The following ALK variants were observed in gnomAD, a reference collection of about 807,000 sequenced individuals.
ALK encodes the protein ALK receptor tyrosine kinase.
In ALK, 74 loss-of-function variants were observed where a neutral mutation model predicts 163.1. The observed-to-expected ratio is 0.45, with a 90% CI of 0.38 to 0.55. ALK has a LOEUF of 0.55. Among genes scored for constraint, ALK ranks in the 20% least tolerant of loss-of-function variants. The probability of loss-of-function intolerance (pLI) is 0.00; values close to 1 mark genes in which losing one functional copy is unlikely to be tolerated. For synonymous variants in ALK, 960 were observed against 843.2 expected (o/e 1.14, Z -2.40); for missense variants, 2,063 against 2,105.3 (o/e 0.98, Z 0.39).
At chr2:29,405,127 G>A (rs1186827654) in intron 4 of ALK, among the ~76,000 whole-genome samples, 3 of 152,164 alleles carry the variant, frequency 2.0e-5, no homozygotes, top group Admixed American at 6.5e-5. Flanking sequence ...TGACTCTGGG[G>A]ACTTTTCCTC....
intron 4 of ALK, among the ~76,000 whole-genome samples, chr2:29,473,699 T>C (rs1177481645): frequency 7.3e-6 from 1 of 136,196 alleles, no homozygotes; most frequent in East Asian, 2.1e-4. Flanking sequence ...CAAAGCCCCA[T>C]CTCTACTGAA....
At chr2:29,771,679 C>A (rs1038534091) in intron 1 of ALK, among the ~76,000 whole-genome samples, 1 of 152,078 alleles carries the variant, frequency 6.6e-6, no homozygotes, top group Non-Finnish European at 1.5e-5. Flanking sequence ...GGACTACAGG[C>A]GCCTGCCACC....
At chr2:29,457,538 G>A (rs1670985673) in intron 4 of ALK, among the ~76,000 whole-genome samples, 2 of 152,200 alleles carry the variant, frequency 1.3e-5, no homozygotes, top group South Asian at 4.2e-4. Context: ...GCCCAGGTGA[G>A]GCCCTGAACC....
intron 9 of ALK, among the ~76,000 whole-genome samples, chr2:29,279,420 G>C (rs35314727): frequency 0.019 from 2,968 of 152,284 alleles, 44 homozygotes; most frequent in Non-Finnish European, 0.031. Flanking sequence ...TGCAGGGAAG[G>C]GACAGTGGGA....
rs1665928257 is a variant in ALK, at chr2:29,288,742, G to A, written c.1817+8146C>T. 2.6e-5 allele frequency among the ~76,000 whole-genome samples: 4 copies of A among 151,938 alleles called. No individual in the cohort carries two copies. In the South Asian group the frequency reaches 6.2e-4, roughly 24 times the overall value. On this transcript the variant is annotated intron_variant, in intron 9 of 28. Coordinates refer to ENST00000389048, the MANE Select transcript of ALK (RefSeq NM_004304.5). ...GAGGCGGGCAGATCACTTGAGCTCA[G>A]GAGTTCAAGACAAGCCTGGCCAACA...
intron 3 of ALK, among the ~76,000 whole-genome samples, chr2:29,694,624 T>G (rs903254942): frequency 6.6e-6 from 1 of 152,240 alleles, no homozygotes; most frequent in East Asian, 1.9e-4. Flanking sequence ...GAAACCCTAC[T>G]TTTATTACTT....
intron 4 of ALK, among the ~76,000 whole-genome samples, chr2:29,385,836 G>A (rs183029437): frequency 4.6e-5 from 7 of 152,316 alleles, no homozygotes; most frequent in Admixed American, 4.6e-4. Context: ...TTAATGACCT[G>A]TGCATTGCTT....
At chr2:29,313,098 G>A (rs1412205823) in intron 8 of ALK, among the ~76,000 whole-genome samples, 1 of 152,182 alleles carries the variant, frequency 6.6e-6, no homozygotes, top group Non-Finnish European at 1.5e-5. Context: ...GCCATGCATG[G>A]GCAGAGAGGC....
At chr2:29,706,375 A>C (rs1678912668) in intron 2 of ALK, among the ~76,000 whole-genome samples, 1 of 152,168 alleles carries the variant, frequency 6.6e-6, no homozygotes, top group Non-Finnish European at 1.5e-5. Flanking sequence ...GCTGCCATCA[A>C]CATCTGGTCA....
chr2:29,354,271 G>C (rs982887562), intron 5 of ALK, among the ~76,000 whole-genome samples: 1 of 152,174 alleles, frequency 6.6e-6, no homozygotes, highest in East Asian at 1.9e-4. Context: ...TGGTCTCTGC[G>C]CTGCGTGACT....
chr2:29,194,004 C>CTAAACA (rs1167309780), intron 28 of ALK, 82 bp from the exon 29 acceptor site: 27 of 1,329,944 alleles, frequency 2.0e-5, no homozygotes, highest in Non-Finnish European at 2.1e-6. Flanking sequence ...ATGATGTTAT[C>CTAAACA]TAAACATATT....
intron 3 of ALK, among the ~76,000 whole-genome samples, chr2:29,655,906 A>G (rs1220933744): frequency 6.6e-6 from 1 of 152,202 alleles, no homozygotes; most frequent in Non-Finnish European, 1.5e-5. Flanking sequence ...TGGTCATGCT[A>G]GCTGGAGACT....
chr2:29,222,430 G>A (rs779030556), intron 21 of ALK, 22 bp from the exon 22 acceptor site: 1 of 1,613,932 alleles, frequency 6.2e-7, no homozygotes, highest in East Asian at 2.2e-5. Context: ...AGGGGAGGGT[G>A]GGGAGGAGGA....
intron 3 of ALK, among the ~76,000 whole-genome samples, chr2:29,557,701 C>T (rs1392717525): frequency 6.6e-6 from 1 of 152,028 alleles, no homozygotes; most frequent in Non-Finnish European, 1.5e-5. Flanking sequence ...GGTATATATA[C>T]CCTCCTAGTC....
intron 3 of ALK, among the ~76,000 whole-genome samples, chr2:29,670,353 C>G (rs1677643943): frequency 6.6e-6 from 1 of 151,984 alleles, no homozygotes; most frequent in South Asian, 2.1e-4. Flanking sequence ...TCCTTCCTGG[C>G]CTACTTAGAA....
intron 3 of ALK, among the ~76,000 whole-genome samples, chr2:29,535,663 A>G (rs534122193): frequency 1.2e-4 from 18 of 152,186 alleles, no homozygotes; most frequent in Non-Finnish European, 2.2e-4. Context: ...ATCTAGGACT[A>G]AACCTGGAAT....
At chr2:29,785,794 G>A (rs766166076) in intron 1 of ALK, among the ~76,000 whole-genome samples, 33 of 148,664 alleles carry the variant, frequency 2.2e-4, no homozygotes, top group African/African-American at 4.2e-4. Flanking sequence ...CCGGCCTCCC[G>A]TCAGCAAACT....
At chr2:29,664,288 A>G (rs1573537586) in intron 3 of ALK, among the ~76,000 whole-genome samples, 1 of 152,268 alleles carries the variant, frequency 6.6e-6, no homozygotes, top group East Asian at 1.9e-4. Context: ...CAAACTTGAA[A>G]TTTGTTGTTT....
intron 4 of ALK, among the ~76,000 whole-genome samples, chr2:29,515,454 T>G (rs1461099342): frequency 6.6e-6 from 1 of 152,134 alleles, no homozygotes; most frequent in African/African-American, 2.4e-5. Flanking sequence ...TTGAAATAAG[T>G]ATTTAATGAC....
Sources: allele counts gnomAD v4.1 joint callset (sites outside exome capture counted in the v4.1 genomes callset), GRCh38; gene constraint gnomAD v4.1.1; transcripts MANE v1.5; gene names NCBI Gene and HGNC (gene_info 2026-07-23, HGNC 2026-07-21).